Variants in REV1 observed in about 807,000 individuals in gnomAD.
REV1 encodes translesion synthesis protein REV1.
Under a neutral mutation model 137.4 loss-of-function variants are expected in REV1, and 42 were observed. The ratio of observed to expected loss-of-function variants is 0.31; its 90% confidence interval spans 0.24 to 0.40. The LOEUF (loss-of-function observed/expected upper bound fraction) is 0.40, where lower values mean the gene tolerates loss of function less well. REV1 is among the 10% of genes least tolerant of loss of function. The pLI is 1.00. For synonymous variants in REV1, 524 were observed against 519.2 expected, an observed-to-expected ratio of 1.01 and a Z score of -0.12; for missense variants, 1,282 against 1,490.1, an observed-to-expected ratio of 0.86 and a Z score of 2.30.
chr2:99,454,984 A>G (rs996250260), intron 3 of REV1, among the ~76,000 whole-genome samples: 1 of 152,220 alleles, frequency 6.6e-6, no homozygotes, highest in African/African-American at 2.4e-5. Context: ...CCATATGAAG[A>G]CCACTTTCAC....
intron 5 of REV1, among the ~76,000 whole-genome samples, 158 bp from the exon 6 acceptor site, chr2:99,439,468 CT>C (rs1334705869): frequency 6.6e-6 from 1 of 151,344 alleles, no homozygotes; most frequent in Non-Finnish European, 1.5e-5. Context: ...AAAAAAAACC[CT>C]GAAACTTAAA....
chr2:99,481,827 C>T (rs1686641523), intron 1 of REV1, among the ~76,000 whole-genome samples: 1 of 152,152 alleles, frequency 6.6e-6, no homozygotes, highest in South Asian at 2.1e-4. Context: ...TATGATAGCA[C>T]CACTGTGACA....
chr2:99,477,495 C>T (rs1686113468), intron 1 of REV1, among the ~76,000 whole-genome samples: 2 of 152,140 alleles, frequency 1.3e-5, no homozygotes, highest in African/African-American at 4.8e-5. Flanking sequence ...GAAAGAAAAA[C>T]TTAAAAATTG....
chr2:99,442,271 A>C (rs1200789222), intron 5 of REV1, 46 bp downstream of exon 5: 5 of 1,471,224 alleles, frequency 3.4e-6, no homozygotes, highest in Non-Finnish European at 4.5e-6. Flanking sequence ...AAAAAAAAAA[A>C]AAAAACCAAC....
intron 8 of REV1, among the ~76,000 whole-genome samples, chr2:99,433,545 G>A (rs1020447012): frequency 3.3e-5 from 5 of 152,098 alleles, no homozygotes; most frequent in East Asian, 1.9e-4. Context: ...CAAGCCCAAC[G>A]TTTTATAACT....
In REV1 at chr2:99,489,800, G is replaced by A. The variant is rs1431646141; in HGVS notation, c.-11+17C>T. 1 of 149,188 alleles carries A rather than the reference G, an allele frequency of 6.7e-6. No individual in the cohort carries two copies. The highest frequency in any genetic ancestry group is 1.5e-5 in the Non-Finnish European group (1 of 66,858). 9.2% of individuals were successfully genotyped at this position (149,188 alleles called of 1,614,324 possible). On this transcript the variant is annotated intron_variant, in intron 1 of 22. Transcript: ENST00000258428. Reference sequence around the variant, plus strand: ...CCGCCCCTCCCCCACCCCGCCGCCGGCCCGGGGGTCGCTCACCTTCCGCGT... The same window carrying A: ...CCGCCCCTCCCCCACCCCGCCGCCGACCCGGGGGTCGCTCACCTTCCGCGT...
intron 19 of REV1, 170 bp downstream of exon 19, chr2:99,403,525 A>G: frequency 1.2e-6 from 1 of 853,448 alleles, no homozygotes; most frequent in Non-Finnish European, 1.8e-6. Context: ...AAATCCAACT[A>G]GAAATATGAT....
At position 99,404,624 on chromosome 2, in the gene REV1, C is replaced by G. The variant is rs752441967; in HGVS notation, c.2865G>C (p.Glu955Asp). 2 of 1,612,378 alleles carry G rather than the reference C, an allele frequency of 1.2e-6. No homozygotes were observed. Among genetic ancestry groups the G allele is most frequent in the South Asian group, 2.2e-5 (2 of 90,604 alleles). The change falls in exon 18 of 23, where the codon GAG becomes GAC. Residue 955 changes from glutamate (E) to aspartate (D), a missense_variant. Coordinates refer to ENST00000258428, the MANE Select transcript of REV1 (RefSeq NM_016316.4). ...ALPPDLREQV[E>D]QVCAVQQAES... ...CTGCTTGCTGGACAGCACAGACTTGCTCTACTTGTTCCCGGAGATCAGGTG... is the reference window on the plus strand; with the variant it reads ...CTGCTTGCTGGACAGCACAGACTTGGTCTACTTGTTCCCGGAGATCAGGTG...
Position 99,412,774 on chromosome 2 carries a change from T to A in REV1, c.2129A>T (p.Lys710Ile). Residue 710 changes from lysine (K) to isoleucine (I), a missense_variant, in exon 13 of 23, where the codon AAA becomes ATA. This residue lies in a region of REV1 where 372 missense variants were observed against 482.3 expected (regional missense o/e 0.77). Coordinates refer to ENST00000258428, the MANE Select transcript of REV1 (RefSeq NM_016316.4). ...ATAGTTGATCTCAGCTGAAACAGAT[T>A]TTCTTTCCTTTTCAGTTCGAACTGG... ...DRPVRTEKER[K>I]SVSAEINYGI... The A allele has an allele frequency of 6.2e-7, 1 of 1,614,136 alleles. No individual in the cohort carries two copies. The highest frequency in any genetic ancestry group is 8.5e-7 in the Non-Finnish European group (1 of 1,179,992).
intron 9 of REV1, among the ~76,000 whole-genome samples, chr2:99,428,517 T>G (rs1016152767): frequency 3.3e-5 from 5 of 152,212 alleles, no homozygotes; most frequent in Non-Finnish European, 7.4e-5. Flanking sequence ...TGGCATGTCA[T>G]GAATGGAAAA....
At chr2:99,429,437 A>G (rs1679829718) in intron 9 of REV1, among the ~76,000 whole-genome samples, 1 of 152,242 alleles carries the variant, frequency 6.6e-6, no homozygotes, top group African/African-American at 2.4e-5. Flanking sequence ...GGGTTTTAAC[A>G]CTAAAAAAAC....
chr2:99,482,502 G>A (rs1408081294), intron 1 of REV1, among the ~76,000 whole-genome samples: 1 of 152,188 alleles, frequency 6.6e-6, no homozygotes, highest in African/African-American at 2.4e-5. Context: ...TAAGAAGTGA[G>A]GAGAGTCTTG....
intron 15 of REV1, among the ~76,000 whole-genome samples, chr2:99,407,570 C>T (rs1464472178): frequency 2.6e-5 from 4 of 151,308 alleles, no homozygotes; most frequent in African/African-American, 7.3e-5. Flanking sequence ...AAACCCCACA[C>T]AAAAATCTAT....
In REV1 at chr2:99,412,063, C is replaced by G. The variant is rs187775571; in HGVS notation, c.2172+668G>C. 2.0e-5 allele frequency among the ~76,000 whole-genome samples: 3 copies of G among 151,916 alleles called. No homozygotes were observed. The East Asian group carries it at 5.9e-4, about 30-fold the overall frequency. ...CCTGGCCAACACGGTGAAACCACGT[C>G]TCTACTAAAAGTACAAAAAATTAGC... is the stretch of plus-strand genomic sequence containing the variant. On this transcript the variant is annotated intron_variant, in intron 13 of 22. Coordinates refer to ENST00000258428, the MANE Select transcript of REV1 (RefSeq NM_016316.4).
intron 12 of REV1, among the ~76,000 whole-genome samples, chr2:99,415,068 G>A (rs1387225132): frequency 6.6e-6 from 1 of 152,202 alleles, no homozygotes; most frequent in Non-Finnish European, 1.5e-5. Flanking sequence ...CTGAACCGGA[G>A]GTGGGGGAGG....
At chr2:99,403,977 G>T (rs1016334551) in intron 18 of REV1, among the ~76,000 whole-genome samples, 162 bp from the exon 19 acceptor site, 3 of 152,088 alleles carry the variant, frequency 2.0e-5, no homozygotes, top group African/African-American at 7.2e-5. Flanking sequence ...CTTCAAAATG[G>T]TTAGAGCAAG....
chr2:99,437,713 T>G (rs1229901225), intron 6 of REV1, among the ~76,000 whole-genome samples: 1 of 152,124 alleles, frequency 6.6e-6, no homozygotes, highest in Non-Finnish European at 1.5e-5. Flanking sequence ...CTTAGAAGCA[T>G]TAAGAATTAA....
intron 21 of REV1, 80 bp from the exon 22 acceptor site, chr2:99,402,426 C>T (rs755120481): frequency 2.4e-6 from 2 of 825,136 alleles, no homozygotes; most frequent in Non-Finnish European, 4.0e-6. Flanking sequence ...TAAAGGAAAA[C>T]TGCATTTCTA....
At chr2:99,461,056 A>C (rs1381525163) in intron 3 of REV1, among the ~76,000 whole-genome samples, 1 of 152,174 alleles carries the variant, frequency 6.6e-6, no homozygotes, top group African/African-American at 2.4e-5. Context: ...TTCATAGAGC[A>C]TCTCAGGAAG....
Sources: allele counts gnomAD v4.1 joint callset (sites outside exome capture counted in the v4.1 genomes callset), GRCh38; gene constraint gnomAD v4.1.1; regional missense constraint gnomAD v4.1.1; transcripts MANE v1.5; gene names NCBI Gene and HGNC (gene_info 2026-07-23, HGNC 2026-07-21).